NSD2: variants seen among roughly 807,000 people sequenced by gnomAD.
NSD2 encodes histone-lysine N-methyltransferase NSD2.
NSD2 carries 12 observed loss-of-function variants against 139.0 expected under a neutral mutation model. The ratio of observed to expected loss-of-function variants is 0.09; its 90% CI spans 0.06 to 0.14. The LOEUF is 0.14. Among genes scored for constraint, NSD2 ranks in the 10% least tolerant of loss-of-function variants. The probability of loss-of-function intolerance (pLI) is 1.00; values close to 1 mark genes in which losing one functional copy is unlikely to be tolerated. For synonymous variants in NSD2, 669 were observed against 648.7 expected (o/e 1.03, Z -0.48); for missense variants, 1,155 against 1,745.0 (o/e 0.66, Z 6.02).
At chr4:1,882,620 C>T (rs1055793916) in intron 1 of NSD2, among the ~76,000 whole-genome samples, 8 of 152,170 alleles carry the variant, frequency 5.3e-5, no homozygotes, top group South Asian at 2.1e-4. Flanking sequence ...GCTGAGATCG[C>T]GCCACTGCAC....
At chr4:1,962,707 A>G (rs755039506) in intron 18 of NSD2, among the ~76,000 whole-genome samples, 44 of 152,108 alleles carry the variant, frequency 2.9e-4, no homozygotes, top group African/African-American at 9.4e-4. Context: ...CAGGGTCTCT[A>G]TCACCCAGGG....
At chr4:1,947,739 C>G in intron 9 of NSD2, 2 of 1,051,628 alleles carry the variant, frequency 1.9e-6, no homozygotes, top group Non-Finnish European at 2.3e-6. Context: ...ACAAAACCAT[C>G]ATTTCAACAT....
intron 18 of NSD2, among the ~76,000 whole-genome samples, chr4:1,966,032 C>T (rs1277562774): frequency 1.3e-5 from 2 of 152,044 alleles, no homozygotes; most frequent in African/African-American, 4.8e-5. Context: ...TGAAGGCCTA[C>T]AGGCAGTGGG....
In NSD2 at chr4:1,981,233, A is replaced by G. The variant is rs1727732376; in HGVS notation, c.*2324A>G. Reference sequence around the variant, plus strand: ...AAAACTGTTAAACTAATGAGCAAGTAACACTAACTTTGAATGTCTCTACAA... The same window carrying G: ...AAAACTGTTAAACTAATGAGCAAGTGACACTAACTTTGAATGTCTCTACAA... On this transcript the variant is annotated 3_prime_UTR_variant, in exon 22 of 22. Transcript: ENST00000508803. 2 of 233,218 alleles carry G rather than the reference A, an allele frequency of 8.6e-6. No individual in the cohort carries two copies. Among genetic ancestry groups the G allele is most frequent in the South Asian group, 3.6e-4 (2 of 5,534 alleles). 14.4% of individuals were successfully genotyped at this position (233,218 alleles called of 1,614,324 possible). A position where few individuals can be genotyped will look rare whatever the true frequency, so the allele number is the denominator to read the frequency against.
At chr4:1,878,012 G>T (rs141750228) in intron 1 of NSD2, among the ~76,000 whole-genome samples, 1 of 151,860 alleles carries the variant, frequency 6.6e-6, no homozygotes, top group Admixed American at 6.6e-5. Context: ...CTGGGTGGCA[G>T]TAAGACTCTG....
intron 1 of NSD2, among the ~76,000 whole-genome samples, chr4:1,893,043 A>G (rs778506416): frequency 5.9e-5 from 9 of 152,066 alleles, no homozygotes; most frequent in Non-Finnish European, 8.8e-5. Context: ...TCTTCCTACA[A>G]CAGCACTTCT....
At chr4:1,944,315 A>T in intron 9 of NSD2, 2 of 1,066,210 alleles carry the variant, frequency 1.9e-6, no homozygotes, top group Non-Finnish European at 2.3e-6. Flanking sequence ...AGGGAGGACC[A>T]TTGGCTTGCC....
At chr4:1,922,785 G>C (rs1461374613) in intron 5 of NSD2, among the ~76,000 whole-genome samples, 3 of 152,190 alleles carry the variant, frequency 2.0e-5, no homozygotes, top group African/African-American at 4.8e-5. Context: ...AATTAGTTGG[G>C]CATGGTGGCA....
intron 1 of NSD2, among the ~76,000 whole-genome samples, chr4:1,872,170 G>T (rs1231635386): frequency 6.6e-6 from 1 of 152,094 alleles, no homozygotes; most frequent in Middle Eastern, 3.4e-3. Context: ...AAGCCGGGCC[G>T]CGGTCCGGCC....
At chr4:1,946,561 A>G in intron 9 of NSD2, 1 of 1,018,134 alleles carries the variant, frequency 9.8e-7, no homozygotes, top group Non-Finnish European at 1.2e-6. Context: ...AAGCCACTGC[A>G]CCTGGCGGGG....
At chr4:1,918,761 G>T in intron 5 of NSD2, 138 bp downstream of exon 5, 1 of 1,220,014 alleles carries the variant, frequency 8.2e-7, no homozygotes. Context: ...TAATAAATAA[G>T]TATTAGGGAA....
intron 7 of NSD2, 33 bp from the exon 8 acceptor site, chr4:1,938,418 T>TTTTTTTTTTG: frequency 2.2e-6 from 1 of 449,654 alleles, no homozygotes; most frequent in Non-Finnish European, 3.2e-6. Flanking sequence ...TTTTCTTTCT[T>TTTTTTTTTTG]TTTTTTTTTT....
chr4:1,917,782 T>G (rs1719598464), intron 4 of NSD2, among the ~76,000 whole-genome samples: 1 of 149,436 alleles, frequency 6.7e-6, no homozygotes, highest in Non-Finnish European at 1.5e-5. Flanking sequence ...AGTATTCTTT[T>G]TTTTTTTTTT....
rs899083094 is a variant in NSD2, at chr4:1,981,943, A to G, written c.*3034A>G. On this transcript the variant is annotated 3_prime_UTR_variant, in exon 22 of 22. Transcript: ENST00000508803. ...TGAAATGCCCCGTCAGAAATTAAAT[A>G]CAAACTTAAATGTGCCTATTGGTGT... 7.5e-6 allele frequency: 3 copies of G among 398,632 alleles called. No homozygotes were observed. Among genetic ancestry groups the G allele is most frequent in the Non-Finnish European group, 1.3e-5 (3 of 226,068 alleles). The allele number at this position is 398,632 out of a possible 1,614,324, so 24.7% of individuals were successfully genotyped here. A position where few individuals can be genotyped will look rare whatever the true frequency, so the allele number is the denominator to read the frequency against.
At chr4:1,975,152 A>C (rs990572289) in intron 19 of NSD2, 142 bp from the exon 20 acceptor site, 2 of 1,442,762 alleles carry the variant, frequency 1.4e-6, no homozygotes, top group African/African-American at 2.9e-5. Flanking sequence ...CTCTTTTACC[A>C]AGCAAAATTG....
In NSD2 at chr4:1,972,557, G is replaced by T. The variant is rs1726606259; in HGVS notation, c.3373-2306G>T. 6.6e-6 allele frequency among the ~76,000 whole-genome samples: 1 copy of T among 152,210 alleles called. No individual in the cohort carries two copies. Among genetic ancestry groups the T allele is most frequent in the Non-Finnish European group, 1.5e-5 (1 of 68,038 alleles). On this transcript the variant is annotated intron_variant, in intron 18 of 21. Transcript: ENST00000508803. This position sits in a 1 kb window ranked among gnomAD's most constrained non-coding sequence, Gnocchi z 4.0. ...CAGCGGGGCCCAAACCCAGGCGGAT[G>T]GCCAGGGGGAGTGGGGCCAAAGCCA...
chr4:1,945,260 T>A, intron 9 of NSD2: 1 of 1,066,700 alleles, frequency 9.4e-7, no homozygotes, highest in Non-Finnish European at 1.1e-6. Flanking sequence ...TTGGAGAGTC[T>A]CATGTAGCTG....
intron 17 of NSD2, among the ~76,000 whole-genome samples, chr4:1,960,045 G>GA (rs1725216607): frequency 3.3e-5 from 5 of 151,844 alleles, no homozygotes; most frequent in Admixed American, 3.3e-4. Flanking sequence ...TTTTTTTGGA[G>GA]ATGGGGTCTT....
rs115007441 is a variant in NSD2 at position 1,877,803 on chromosome 4, C to G, written c.-30+6261C>G. Among the ~76,000 whole-genome samples, 223 of 152,192 alleles carry G rather than the reference C, an allele frequency of 1.5e-3. 3 individuals are homozygous for G. The highest frequency in any genetic ancestry group is 4.9e-3 in the African/African-American group (204 of 41,522). On this transcript the variant is annotated intron_variant, in intron 1 of 21. Coordinates refer to ENST00000508803, the MANE Select transcript of NSD2 (RefSeq NM_001042424.3). ...GTCCCCAGGTATCTGTGTGGCTTAC[C>G]CCTCACCCTCCTTCAGGTCTTTGTG...
Sources: allele counts gnomAD v4.1 joint callset (sites outside exome capture counted in the v4.1 genomes callset), GRCh38; gene constraint gnomAD v4.1.1; non-coding constraint Gnocchi (gnomAD v3.1); transcripts MANE v1.5; gene names NCBI Gene and HGNC (gene_info 2026-07-23, HGNC 2026-07-21).